HSPG2: variants seen among roughly 807,000 people sequenced by gnomAD.
HSPG2 encodes the protein heparan sulfate proteoglycan 2, also known as basement membrane-specific heparan sulfate proteoglycan core protein.
HSPG2 carries 278 observed loss-of-function variants against 526.6 expected under a neutral mutation model. That is an observed-to-expected ratio of 0.53 (90% confidence interval 0.48 to 0.58). The LOEUF is 0.58. HSPG2 is among the 20% of genes least tolerant of loss of function. The pLI, the probability that HSPG2 is intolerant of heterozygous loss-of-function variation, is 0.00. For synonymous variants in HSPG2, 2,465 were observed against 2,555.4 expected (o/e 0.96, Z 1.07); for missense variants, 5,354 against 6,099.5 (o/e 0.88, Z 4.07).
At chr1:21,854,446 C>G (rs556400213) in intron 49 of HSPG2, 103 bp from the exon 50 acceptor site, 2 of 1,472,876 alleles carry the variant, frequency 1.4e-6, no homozygotes, top group African/African-American at 1.4e-5. Context: ...GGCTCTGCTC[C>G]GAGCCATCCC....
chr1:21,872,862 G>A lies in HSPG2; in HGVS notation c.3889-102C>T. Reference sequence around the variant, plus strand: ...CCCTGGCCACTTCCAGCAGCCCCGGGCAGCCCCTGCCCTGTCCCCCATGCC... The same window carrying A: ...CCCTGGCCACTTCCAGCAGCCCCGGACAGCCCCTGCCCTGTCCCCCATGCC... On this transcript the variant is annotated intron_variant, in intron 31 of 96. Transcript: ENST00000374695. The surrounding 1 kb of genome is among the most constrained non-coding windows in gnomAD (Gnocchi z 5.5). 6.5e-7 allele frequency: 1 copy of A among 1,549,436 alleles called. No homozygotes were observed. The highest frequency in any genetic ancestry group is 2.3e-5 in the East Asian group (1 of 43,560).
chr1:21,827,745 C>T (rs1244283135), intron 91 of HSPG2, 118 bp downstream of exon 91: 1 of 1,079,554 alleles, frequency 9.3e-7, no homozygotes, highest in Non-Finnish European at 1.4e-6. Flanking sequence ...TTCTGTCTCT[C>T]TGCCCAGCAA....
rs533151379 is a variant in HSPG2 at position 21,841,342 on chromosome 1, A to G, written c.9329-57T>C. On this transcript the variant is annotated intron_variant, in intron 70 of 96. Coordinates refer to ENST00000374695, the MANE Select transcript of HSPG2 (RefSeq NM_005529.7). The stretch of plus-strand genomic sequence containing the variant: ...AGGCAGGGCTCTGCTGCTCACCCAC[A>G]CTGCCATGGCCTCCAGCTTAGTAAC... The G allele has an allele frequency of 2.0e-5, 32 of 1,603,232 alleles. No homozygotes were observed. The East Asian group carries it at 6.3e-4, about 31-fold the overall frequency.
At position 21,872,432 on chromosome 1, in the gene HSPG2, G is replaced by T. The variant is rs1207964860; in HGVS notation, c.4030-55C>A. 4.7e-6 allele frequency: 7 copies of T among 1,495,700 alleles called. No individual in the cohort carries two copies. In the African/African-American group the frequency reaches 8.4e-5, roughly 18 times the overall value. 92.7% of individuals were successfully genotyped at this position (1,495,700 alleles called of 1,614,324 possible). On this transcript the variant is annotated intron_variant, in intron 32 of 96. Coordinates refer to ENST00000374695, the MANE Select transcript of HSPG2 (RefSeq NM_005529.7). This position sits in a 1 kb window ranked among gnomAD's most constrained non-coding sequence, Gnocchi z 5.5. ...CCTGAGCACCGGGGTGCCTTGGTGG[G>T]GGATGGGGCACGGGAGGGTGTTAAG...
At chr1:21,851,170 A>G (rs563565337) in intron 55 of HSPG2, 3 of 272,478 alleles carry the variant, frequency 1.1e-5, no homozygotes, top group South Asian at 4.4e-5. Flanking sequence ...ATGGGGTTTC[A>G]CCATACTGGC....
In HSPG2 at chr1:21,829,601, A is replaced by C. The variant is rs1572148190; in HGVS notation, c.11774T>G (p.Val3925Gly). ...CGACAGCGAGGGGGTGGTCACTGTC[A>C]CACCTGCAGCAGCCACAGCTCAGCT... ...GRSGLRCEEG[V>G]TVTTPSLSGA... Residue 3925 changes from valine to glycine, a missense_variant, in exon 87 of 97, where the codon GTG (valine) becomes GGG (glycine). Physicochemically the swap from Val to Gly is moderately radical, Grantham distance 109. Coordinates refer to ENST00000374695, the MANE Select transcript of HSPG2 (RefSeq NM_005529.7). 1.2e-6 allele frequency: 2 copies of C among 1,602,834 alleles called. No individual in the cohort carries two copies. The highest frequency in any genetic ancestry group is 1.7e-6 in the Non-Finnish European group (2 of 1,173,418).
At chr1:21,834,297 G>C (rs1178513437) in intron 77 of HSPG2, among the ~76,000 whole-genome samples, 2 of 152,210 alleles carry the variant, frequency 1.3e-5, no homozygotes, top group Admixed American at 6.5e-5. Context: ...CACAGTGTTT[G>C]TGTCTGCCCT....
Position 21,838,902 on chromosome 1 carries a change from T to C in HSPG2, c.10073A>G (p.Glu3358Gly). ...CCGGCAGCGGTAGCGGCCTGAGTCCTCAGGGGCTGCACGCTCAAAGTGCAG... is the reference window on the plus strand; with the variant it reads ...CCGGCAGCGGTAGCGGCCTGAGTCCCCAGGGGCTGCACGCTCAAAGTGCAG... ...ELLHFERAAP[E>G]DSGRYRCRVT... The change falls in exon 74 of 97, where the codon GAG (glutamate) becomes GGG (glycine). Residue 3358 changes from glutamate to glycine, a missense_variant. Glu to Gly is a moderately conservative substitution (Grantham distance 98). Transcript: ENST00000374695. 1 of 1,612,508 alleles carries C rather than the reference T, an allele frequency of 6.2e-7. No individual in the cohort carries two copies. Among genetic ancestry groups the C allele is most frequent in the South Asian group, 1.1e-5 (1 of 90,984 alleles).
intron 1 of HSPG2, among the ~76,000 whole-genome samples, chr1:21,909,867 C>T (rs993321635): frequency 6.6e-6 from 1 of 152,260 alleles, no homozygotes; most frequent in Middle Eastern, 3.2e-3. Flanking sequence ...CCAATGCACA[C>T]ATACCTCTGG....
chr1:21,865,609 T>G lies in HSPG2; in HGVS notation c.4314+108A>C, dbSNP rs1640163474. The G allele has an allele frequency of 9.7e-7, 1 of 1,029,514 alleles. No individual in the cohort carries two copies. The highest frequency in any genetic ancestry group is 1.5e-6 in the Non-Finnish European group (1 of 652,040). The allele number at this position is 1,029,514 out of a possible 1,614,324, so 63.8% of individuals were successfully genotyped here. ...GCATGGGCCTAACTCCCCCAGCCTG[T>G]GCCAGAAAACTGAGTGCTGGATGGA... is the stretch of plus-strand genomic sequence containing the variant. On this transcript the variant is annotated intron_variant, in intron 34 of 96. Coordinates refer to ENST00000374695, the MANE Select transcript of HSPG2 (RefSeq NM_005529.7). The surrounding 1 kb of genome is among the most constrained non-coding windows in gnomAD (Gnocchi z 5.4).
chr1:21,871,191 C>T (rs1481863917), intron 33 of HSPG2, among the ~76,000 whole-genome samples: 1 of 152,054 alleles, frequency 6.6e-6, no homozygotes, highest in African/African-American at 2.4e-5. Context: ...ACCATCATCA[C>T]CACCTTTCCA....
In HSPG2 at chr1:21,887,236, G is replaced by A. The variant is rs1162361220; in HGVS notation, c.1057C>T (p.Arg353Ter). 2 of 1,613,664 alleles carry A rather than the reference G, an allele frequency of 1.2e-6. No homozygotes were observed. Among genetic ancestry groups the A allele is most frequent in the Non-Finnish European group, 1.7e-6 (2 of 1,179,874 alleles). The change falls in exon 9 of 97, where the codon CGA becomes TGA. Residue 353 changes from arginine (R) to a stop codon, truncating the protein, a stop_gained. Transcript: ENST00000374695. LOFTEE classifies it high-confidence loss of function. This position sits in a 1 kb window ranked among gnomAD's most constrained non-coding sequence, Gnocchi z 5.0. ...RCDGDFDCED[R>*]TDEANCPTKR... ...TCACGGCAGTTGGCTTCATCAGTTC[G>A]GTCCTCACAGTCAAAGTCACCATCG...
At position 21,831,704 on chromosome 1, in the gene HSPG2, G is replaced by A. The variant is rs941414865; in HGVS notation, c.11300C>T (p.Thr3767Ile). The A allele has an allele frequency of 6.2e-7, 1 of 1,606,572 alleles. No individual in the cohort carries two copies. Among genetic ancestry groups the A allele is most frequent in the African/African-American group, 1.3e-5 (1 of 74,954 alleles). ...GTCACCCACAATCAGGGAGCCCTGGGTGAGGCTGCGCAGCAGGGTCACGGT... is the reference window on the plus strand; with the variant it reads ...GTCACCCACAATCAGGGAGCCCTGGATGAGGCTGCGCAGCAGGGTCACGGT... The part of the protein sequence containing the change: ...FHTVTLLRSL[T>I]QGSLIVGDLA... Residue 3767 changes from threonine to isoleucine, a missense_variant, in exon 82 of 97, where the codon ACC (threonine) becomes ATC (isoleucine). Thr to Ile is a moderately conservative substitution (Grantham distance 89, BLOSUM62 -1). Transcript: ENST00000374695.
At chr1:21,925,150 A>T (rs1374190232) in intron 1 of HSPG2, among the ~76,000 whole-genome samples, 1 of 152,202 alleles carries the variant, frequency 6.6e-6, no homozygotes, top group Non-Finnish European at 1.5e-5. Context: ...TCATCTGGGA[A>T]ATGGAGGCAT....
At chr1:21,937,011 C>T in intron 1 of HSPG2, 144 bp downstream of exon 1, 2 of 191,090 alleles carry the variant, frequency 1.0e-5, no homozygotes, top group Non-Finnish European at 2.0e-5. Flanking sequence ...CCCGGGGTCC[C>T]CGGCGGGCGC....
chr1:21,888,094 G>A (rs1362715806), intron 6 of HSPG2, 28 bp from the exon 7 acceptor site: 4 of 1,613,274 alleles, frequency 2.5e-6, no homozygotes, highest in South Asian at 2.2e-5. Context: ...GCAGACTGGA[G>A]TCAGAGGCGG....
chr1:21,828,040 G>C lies in HSPG2; in HGVS notation c.12522C>G (p.Arg4174=). The C allele has an allele frequency of 6.2e-7, 1 of 1,613,648 alleles. No homozygotes were observed. Among genetic ancestry groups the C allele is most frequent in the Non-Finnish European group, 8.5e-7 (1 of 1,179,998 alleles). The stretch of plus-strand genomic sequence containing the variant: ...GCCAGGCCTGGGTACCTTGTTGGCA[G>C]CGTGGGCCAGAGAAGCCAGGGAGGC... ...CLCLPGFSGP[R]CQQGSGHGIA... The change falls in exon 90 of 97, where the codon CGC becomes CGG. Residue 4174 remains arginine (R), a synonymous_variant. Coordinates refer to ENST00000374695, the MANE Select transcript of HSPG2 (RefSeq NM_005529.7). This position sits in a 1 kb window ranked among gnomAD's most constrained non-coding sequence, Gnocchi z 6.0.
chr1:21,886,491 C>T (rs1048963967), intron 9 of HSPG2, among the ~76,000 whole-genome samples: 3 of 152,116 alleles, frequency 2.0e-5, no homozygotes, highest in Admixed American at 6.5e-5. Flanking sequence ...CAGAGAAGAG[C>T]CTGAAGATTA....
At chr1:21,875,499 C>A (rs1389630895) in intron 25 of HSPG2, 130 bp downstream of exon 25, 1 of 761,114 alleles carries the variant, frequency 1.3e-6, no homozygotes, top group Non-Finnish European at 2.3e-6. Flanking sequence ...TTAAGACTCT[C>A]CGTTTTACAG....
Sources: gnomAD v4.1 joint callset for allele counts (sites outside exome capture counted in the v4.1 genomes callset) on GRCh38, gnomAD v4.1.1 for gene constraint, Gnocchi (gnomAD v3.1) non-coding constraint, MANE v1.5 for transcripts, NCBI Gene and HGNC (gene_info 2026-07-23, HGNC 2026-07-21) for gene names.